The following TCF7L2 variants were observed in gnomAD, a reference collection of about 807,000 sequenced individuals.
TCF7L2 encodes the protein transcription factor 7 like 2, also known as transcription factor 7-like 2.
A neutral mutation model predicts 77.9 loss-of-function variants in TCF7L2; 23 were observed. The ratio of observed to expected loss-of-function variants is 0.30; its 90% CI spans 0.21 to 0.42. The LOEUF is 0.42. Ranked by LOEUF, TCF7L2 falls within the 10% of genes least tolerant of loss-of-function variation. The probability of loss-of-function intolerance (pLI) is 1.00; values close to 1 mark genes in which losing one functional copy is unlikely to be tolerated. For missense variants in TCF7L2, 654 were observed against 793.1 expected (o/e 0.82, Z 2.11); for synonymous variants, 413 against 340.2 (o/e 1.21, Z -2.36).
intron 5 of TCF7L2, chr10:113,089,483 C>T (rs1467752290): frequency 6.2e-7 from 1 of 1,613,730 alleles, no homozygotes; most frequent in East Asian, 2.2e-5. Flanking sequence ...CTCAAGTCTT[C>T]AGGGACATGA....
chr10:113,072,440 C>T (rs1007914745), intron 5 of TCF7L2, among the ~76,000 whole-genome samples: 2 of 151,746 alleles, frequency 1.3e-5, no homozygotes, highest in African/African-American at 4.8e-5. Flanking sequence ...CTGCAACTTG[C>T]GCCTCCCGGG....
intron 13 of TCF7L2, chr10:113,161,136 A>G (rs1299695717): frequency 1.7e-5 from 4 of 233,044 alleles, no homozygotes; most frequent in Non-Finnish European, 3.3e-5. Flanking sequence ...GTTCTGGGGT[A>G]GGCTTCTTCT....
At chr10:112,964,976 T>C (rs932171255) in intron 4 of TCF7L2, among the ~76,000 whole-genome samples, 1 of 152,164 alleles carries the variant, frequency 6.6e-6, no homozygotes, top group East Asian at 1.9e-4. Context: ...GCTTGACTAC[T>C]GTTTTTCTTT....
At chr10:113,134,278 C>T (rs1393581202) in intron 5 of TCF7L2, among the ~76,000 whole-genome samples, 5 of 152,150 alleles carry the variant, frequency 3.3e-5, no homozygotes, top group Admixed American at 2.6e-4. Flanking sequence ...TTTGGGGCCA[C>T]GGGAGGAAGT....
At chr10:112,973,698 G>A (rs548379720) in intron 4 of TCF7L2, among the ~76,000 whole-genome samples, 2 of 151,936 alleles carry the variant, frequency 1.3e-5, no homozygotes, top group African/African-American at 4.8e-5. Context: ...CAAGCTGTTC[G>A]CCTGCCTCAG....
At chr10:112,965,669 GTGTGT>G (rs2036606263) in intron 4 of TCF7L2, among the ~76,000 whole-genome samples, 1 of 134,504 alleles carries the variant, frequency 7.4e-6, no homozygotes, top group Admixed American at 7.5e-5. Context: ...GTGTGTGTGT[GTGTGT>G]GTGGTCTTAG....
chr10:113,077,863 T>C (rs1327961986), intron 5 of TCF7L2, among the ~76,000 whole-genome samples: 1 of 15,938 alleles, frequency 6.3e-5, no homozygotes, highest in South Asian at 3.2e-3. Flanking sequence ...GCTTGCTTAT[T>C]TATTTATTTA....
At chr10:112,959,354 C>G (rs2034482020) in intron 3 of TCF7L2, among the ~76,000 whole-genome samples, 1 of 151,992 alleles carries the variant, frequency 6.6e-6, no homozygotes, top group African/African-American at 2.4e-5. Context: ...TAGGTGGATA[C>G]GTATAGAAGC....
chr10:113,018,399 C>T (rs2047695063), intron 4 of TCF7L2, among the ~76,000 whole-genome samples: 2 of 150,144 alleles, frequency 1.3e-5, no homozygotes, highest in South Asian at 2.1e-4. Flanking sequence ...AAAGGTTCCC[C>T]TCTAGCCAAA....
At chr10:113,080,319 GGCA>G (rs2059195588) in intron 5 of TCF7L2, among the ~76,000 whole-genome samples, 1 of 151,750 alleles carries the variant, frequency 6.6e-6, no homozygotes, top group African/African-American at 2.4e-5. Flanking sequence ...TACATTACAA[GGCA>G]GCTACCACAT....
At chr10:113,011,828 C>T (rs1198998601) in intron 4 of TCF7L2, among the ~76,000 whole-genome samples, 1 of 151,956 alleles carries the variant, frequency 6.6e-6, no homozygotes, top group Non-Finnish European at 1.5e-5. Flanking sequence ...TTGAGTATTG[C>T]TCTTGAGTAT....
intron 5 of TCF7L2, among the ~76,000 whole-genome samples, chr10:113,073,517 A>C (rs2058328300): frequency 6.7e-6 from 1 of 149,750 alleles, no homozygotes; most frequent in African/African-American, 2.5e-5. Flanking sequence ...AAAAAAAAAA[A>C]AAAAAAAAAA....
Position 112,951,635 on chromosome 10 carries a change from C to A in TCF7L2, c.381+28C>A, listed in dbSNP as rs555488416. ...AAGTGCCTCCGCGCCCGGCCCCCGC[C>A]CGCTGCCCGCCCGCCCGCGCCGCCC... On this transcript the variant is annotated intron_variant, in intron 3 of 13. Coordinates refer to ENST00000627217, the MANE Select transcript of TCF7L2 (RefSeq NM_001146274.2). The A allele has an allele frequency of 5.1e-3, 5,590 of 1,104,254 alleles. 269 individuals are homozygous for A. In the African/African-American group the frequency reaches 0.088, roughly 17 times the overall value. 68.4% of individuals were successfully genotyped at this position (1,104,254 alleles called of 1,614,324 possible).
intron 5 of TCF7L2, among the ~76,000 whole-genome samples, chr10:113,073,099 C>CGTGTGTGTGTGT (rs71489997): frequency 0.041 from 4,238 of 103,758 alleles, 140 homozygotes; most frequent in African/African-American, 0.1. Context: ...AGGGCCAGGT[C>CGTGTGTGTGTGT]GTGTGTGTGT....
At chr10:112,978,784 T>C (rs1398509547) in intron 4 of TCF7L2, among the ~76,000 whole-genome samples, 1 of 151,896 alleles carries the variant, frequency 6.6e-6, no homozygotes, top group African/African-American at 2.4e-5. Flanking sequence ...CGGCCAGATT[T>C]TGTGATTTTT....
intron 5 of TCF7L2, among the ~76,000 whole-genome samples, chr10:113,080,079 G>A (rs983781114): frequency 1.3e-5 from 2 of 151,716 alleles, no homozygotes; most frequent in African/African-American, 4.8e-5. Flanking sequence ...CACACACACA[G>A]CCCACATACA....
chr10:113,145,246 G>A (rs1371402739), intron 7 of TCF7L2, among the ~76,000 whole-genome samples: 2 of 151,858 alleles, frequency 1.3e-5, no homozygotes, highest in African/African-American at 4.8e-5. Context: ...ATGAGCTTGT[G>A]ACCCATTTCT....
chr10:113,104,934 T>C (rs1203636817), intron 5 of TCF7L2, among the ~76,000 whole-genome samples: 2 of 152,156 alleles, frequency 1.3e-5, no homozygotes, highest in Non-Finnish European at 2.9e-5. Context: ...TATTCAAATA[T>C]CAGATTGCTG....
chr10:113,163,719 C>T (rs2073568576), intron 13 of TCF7L2, among the ~76,000 whole-genome samples: 2 of 152,046 alleles, frequency 1.3e-5, no homozygotes, highest in South Asian at 4.2e-4. Context: ...GCTTGCTCCC[C>T]TAGAGTTCCT....
Sources: gnomAD v4.1 joint callset for allele counts (sites outside exome capture counted in the v4.1 genomes callset) on GRCh38, gnomAD v4.1.1 for gene constraint, MANE v1.5 for transcripts, NCBI Gene and HGNC (gene_info 2026-07-23, HGNC 2026-07-21) for gene names.